PPP1R14C: variants seen among roughly 807,000 people sequenced by gnomAD.
PPP1R14C encodes protein phosphatase 1 regulatory subunit 14C.
In PPP1R14C, 16 loss-of-function variants were observed where a neutral mutation model predicts 20.4. That is an observed-to-expected ratio of 0.78 (90% CI 0.53 to 1.19). The LOEUF is 1.19. Ranked by LOEUF, PPP1R14C falls within the 50% of genes most tolerant of loss-of-function variation. PPP1R14C has a pLI of 0.00. For missense variants in PPP1R14C, 211 were observed against 220.1 expected, an observed-to-expected ratio of 0.96 and a Z score of 0.26; for synonymous variants, 91 against 91.0, an observed-to-expected ratio of 1.00 and a Z score of 0.00.
chr6:150,196,321 CA>C (rs1213997661), intron 1 of PPP1R14C, among the ~76,000 whole-genome samples: 41 of 152,206 alleles, frequency 2.7e-4, no homozygotes, highest in Non-Finnish European at 4.9e-4. Flanking sequence ...ATCATTCAGT[CA>C]GTCACTCAGC....
intron 3 of PPP1R14C, among the ~76,000 whole-genome samples, chr6:150,224,508 C>G (rs191184017): frequency 6.6e-6 from 1 of 152,158 alleles, no homozygotes; most frequent in East Asian, 1.9e-4. Flanking sequence ...TTATTTCTGT[C>G]GAGATATCCT....
intron 1 of PPP1R14C, among the ~76,000 whole-genome samples, chr6:150,181,272 G>A (rs991518110): frequency 3.3e-5 from 5 of 152,074 alleles, no homozygotes; most frequent in African/African-American, 1.2e-4. Context: ...CACCTCTCGG[G>A]TTTAAGACTC....
chr6:150,176,666 T>C (rs374680473), intron 1 of PPP1R14C, among the ~76,000 whole-genome samples: 1 of 152,244 alleles, frequency 6.6e-6, no homozygotes, highest in East Asian at 1.9e-4. Flanking sequence ...CATCCTCAAA[T>C]AGTCCACATT....
intron 1 of PPP1R14C, among the ~76,000 whole-genome samples, chr6:150,148,104 T>G (rs1280650755): frequency 6.6e-6 from 1 of 152,238 alleles, no homozygotes. Flanking sequence ...TAAATTTGTT[T>G]CATAATGCAT....
At chr6:150,178,265 C>T (rs1219127719) in intron 1 of PPP1R14C, among the ~76,000 whole-genome samples, 1 of 152,234 alleles carries the variant, frequency 6.6e-6, no homozygotes, top group Non-Finnish European at 1.5e-5. Flanking sequence ...CCTAGGGGTC[C>T]AGTGGGTCTT....
intron 3 of PPP1R14C, among the ~76,000 whole-genome samples, chr6:150,225,173 AAAG>A (rs1169129031): frequency 3.3e-5 from 5 of 152,232 alleles, no homozygotes; most frequent in South Asian, 4.2e-4. Context: ...AGAAGAAGAA[AAAG>A]AAGAAGAACA....
rs1777669829 is a variant in PPP1R14C, at chr6:150,185,760, G to A, written c.307-28984G>A. Among the ~76,000 whole-genome samples, 2 of 152,160 alleles carry A rather than the reference G, an allele frequency of 1.3e-5. No individual in the cohort carries two copies. The highest frequency in any genetic ancestry group is 1.3e-4 in the Admixed American group (2 of 15,288). On this transcript the variant is annotated intron_variant, in intron 1 of 3. Coordinates refer to ENST00000361131, the MANE Select transcript of PPP1R14C (RefSeq NM_030949.3). The surrounding 1 kb of genome is among the most constrained non-coding windows in gnomAD (Gnocchi z 4.1). ...ACTTTCAGTGGCTTAAACCGAGCAAGTCATATTCTCACTCGTGCTGTGTAG... is the reference window on the plus strand; with the variant it reads ...ACTTTCAGTGGCTTAAACCGAGCAAATCATATTCTCACTCGTGCTGTGTAG...
At chr6:150,214,865 G>T (rs1473998428) in intron 2 of PPP1R14C, 38 bp downstream of exon 2, 1 of 1,435,136 alleles carries the variant, frequency 7.0e-7, no homozygotes, top group Non-Finnish European at 9.8e-7. Context: ...TCTAATCATG[G>T]ACACTTGAGA....
chr6:150,208,846 C>G (rs1457707737), intron 1 of PPP1R14C, among the ~76,000 whole-genome samples: 1 of 152,148 alleles, frequency 6.6e-6, no homozygotes, highest in East Asian at 1.9e-4. Flanking sequence ...GTGGTTATAG[C>G]ACGGCTGTCC....
Position 150,234,087 on chromosome 6 carries a change from A to G in PPP1R14C, c.424-14659A>G, listed in dbSNP as rs535143819. Among the ~76,000 whole-genome samples the G allele has an allele frequency of 4.6e-5, 7 of 152,144 alleles. No homozygotes were observed. In the East Asian group the frequency reaches 1.3e-3, roughly 29 times the overall value. On this transcript the variant is annotated intron_variant, in intron 3 of 3. Transcript: ENST00000361131. ...TGGGGGAGTCTATTTTTTTTCCCCA[A>G]CCTTATGTCAAAACAATGTGGAACA...
At chr6:150,188,709 A>G (rs907537828) in intron 1 of PPP1R14C, among the ~76,000 whole-genome samples, 6 of 151,220 alleles carry the variant, frequency 4.0e-5, no homozygotes, top group East Asian at 1.9e-4. Flanking sequence ...GATGGTCTTG[A>G]TCTCCTGACC....
Position 150,249,121 on chromosome 6 carries a change from G to A in PPP1R14C, c.*301G>A, listed in dbSNP as rs191513290. The A allele has an allele frequency of 4.7e-3, 1,940 of 412,418 alleles. 11 individuals carry two copies. The highest frequency in any genetic ancestry group is 7.1e-3 in the South Asian group (62 of 8,740). The allele number at this position is 412,418 out of a possible 1,614,324, so 25.5% of individuals were successfully genotyped here. ...TCAAGGAAGGGCCACGCCAGGCTGC[G>A]TTTCCTGCAAGGACTCAGATGTTCA... On this transcript the variant is annotated 3_prime_UTR_variant, in exon 4 of 4. Coordinates refer to ENST00000361131, the MANE Select transcript of PPP1R14C (RefSeq NM_030949.3).
intron 1 of PPP1R14C, among the ~76,000 whole-genome samples, chr6:150,198,872 A>G (rs1187694429): frequency 6.6e-6 from 1 of 152,142 alleles, no homozygotes; most frequent in Non-Finnish European, 1.5e-5. Context: ...AGATCTTTGA[A>G]TCCTCAGCAC....
At chr6:150,220,169 A>G (rs530775690) in intron 3 of PPP1R14C, among the ~76,000 whole-genome samples, 1 of 152,276 alleles carries the variant, frequency 6.6e-6, no homozygotes, top group East Asian at 1.9e-4. Flanking sequence ...CTGTTTGGCT[A>G]TTGCTGGGTC....
chr6:150,148,936 C>A (rs552379929), intron 1 of PPP1R14C, among the ~76,000 whole-genome samples: 1 of 151,978 alleles, frequency 6.6e-6, no homozygotes, highest in Admixed American at 6.6e-5. Context: ...TGGTGGCATG[C>A]GCTGGTGGTC....
chr6:150,171,341 C>A (rs1777496834), intron 1 of PPP1R14C, among the ~76,000 whole-genome samples: 1 of 152,170 alleles, frequency 6.6e-6, no homozygotes, highest in African/African-American at 2.4e-5. Flanking sequence ...ATTGTACATA[C>A]CTAATATCTT....
At chr6:150,162,230 T>G (rs1777377778) in intron 1 of PPP1R14C, among the ~76,000 whole-genome samples, 1 of 152,174 alleles carries the variant, frequency 6.6e-6, no homozygotes, top group African/African-American at 2.4e-5. Flanking sequence ...AATTTTTGTA[T>G]TTTTAGTAGA....
intron 1 of PPP1R14C, among the ~76,000 whole-genome samples, chr6:150,187,529 T>C (rs1447432795): frequency 6.6e-6 from 1 of 152,138 alleles, no homozygotes; most frequent in African/African-American, 2.4e-5. Flanking sequence ...TAGCTTCTAC[T>C]TTTGGGAATG....
chr6:150,156,401 C>G (rs570980377), intron 1 of PPP1R14C, among the ~76,000 whole-genome samples: 1 of 152,316 alleles, frequency 6.6e-6, no homozygotes, highest in Admixed American at 6.5e-5. Context: ...TGTTTTCACT[C>G]AAGTCCTTAG....
Sources: allele counts gnomAD v4.1 joint callset (sites outside exome capture counted in the v4.1 genomes callset), GRCh38; gene constraint gnomAD v4.1.1; non-coding constraint Gnocchi (gnomAD v3.1); transcripts MANE v1.5; gene names NCBI Gene and HGNC (gene_info 2026-07-23, HGNC 2026-07-21).